VAV3: variants seen among roughly 807,000 people sequenced by gnomAD.
VAV3 encodes the protein vav guanine nucleotide exchange factor 3.
A neutral mutation model predicts 131.2 loss-of-function variants in VAV3; 94 were observed. The ratio of observed to expected loss-of-function variants is 0.72; its 90% CI spans 0.61 to 0.85. The LOEUF (loss-of-function observed/expected upper bound fraction) is 0.85. VAV3 is among the 40% of genes least tolerant of loss of function. The pLI, the probability that VAV3 is intolerant of heterozygous loss-of-function variation, is 0.00. For synonymous variants in VAV3, 349 were observed against 342.0 expected (o/e 1.02, Z -0.22); for missense variants, 939 against 1,002.7 (o/e 0.94, Z 0.86).
Position 107,888,004 on chromosome 1 carries a change from T to TGGG in VAV3, c.205-12990_205-12988dup, listed in dbSNP as rs574702173. Among the ~76,000 whole-genome samples the TGGG allele has an allele frequency of 2.0e-3, 303 of 147,930 alleles. 1 individual carries two copies. The highest frequency in any genetic ancestry group is 7.1e-3 in the African/African-American group (286 of 40,308). ...GCTGTTTTGGTTCTATCCAAAAATT[T>TGGG]GGGGGGGGGGTTATTTTGTAAAGTA... On this transcript the variant is annotated intron_variant, in intron 1 of 26. Transcript: ENST00000370056.
At chr1:107,808,750 T>C (rs967900005) in intron 2 of VAV3, among the ~76,000 whole-genome samples, 7 of 152,284 alleles carry the variant, frequency 4.6e-5, no homozygotes, top group Admixed American at 1.3e-4. Context: ...CAATATTCCA[T>C]AGTATAAGAG....
intron 1 of VAV3, among the ~76,000 whole-genome samples, chr1:107,952,612 A>G (rs1252561334): frequency 6.6e-6 from 1 of 151,770 alleles, no homozygotes; most frequent in Non-Finnish European, 1.5e-5. Context: ...TTAACTATGT[A>G]TCCAGAAAAG....
intron 15 of VAV3, among the ~76,000 whole-genome samples, chr1:107,746,995 T>TC (rs1406272717): frequency 2.6e-5 from 4 of 152,094 alleles, no homozygotes; most frequent in Non-Finnish European, 5.9e-5. Context: ...TTCTCCTGCT[T>TC]CAGTCTTGCG....
At chr1:107,607,625 T>C (rs1652386762) in intron 22 of VAV3, among the ~76,000 whole-genome samples, 1 of 152,182 alleles carries the variant, frequency 6.6e-6, no homozygotes, top group Non-Finnish European at 1.5e-5. Context: ...CGGACTACCA[T>C]GGGAAAAGGC....
chr1:107,905,092 T>C (rs1364759211), intron 1 of VAV3, among the ~76,000 whole-genome samples: 2 of 152,188 alleles, frequency 1.3e-5, no homozygotes, highest in African/African-American at 4.8e-5. Context: ...AGAAGTCAGA[T>C]TATCTATCCG....
chr1:107,619,764 T>C (rs1216559414), intron 20 of VAV3, among the ~76,000 whole-genome samples: 2 of 152,202 alleles, frequency 1.3e-5, no homozygotes, highest in East Asian at 3.8e-4. Flanking sequence ...ACTTCCACTC[T>C]TCTTCAGAAC....
At chr1:107,639,964 C>T (rs561095410) in intron 20 of VAV3, among the ~76,000 whole-genome samples, 2 of 151,510 alleles carry the variant, frequency 1.3e-5, no homozygotes, top group South Asian at 4.2e-4. Context: ...AATGACCACA[C>T]CAAATGTTGG....
At chr1:107,753,561 C>CT (rs1553201332) in intron 12 of VAV3, among the ~76,000 whole-genome samples, 49 of 81,580 alleles carry the variant, frequency 6.0e-4, no homozygotes, top group Non-Finnish European at 1.1e-3. Context: ...CACACACACA[C>CT]TTTTTTTTTT....
At chr1:107,677,779 T>G (rs189406487) in intron 19 of VAV3, 1 of 152,346 alleles carries the variant, frequency 6.6e-6, no homozygotes. Context: ...ATTTTCCATC[T>G]AAAAGCACCC....
At chr1:107,644,576 C>G (rs1655586774) in intron 19 of VAV3, among the ~76,000 whole-genome samples, 1 of 152,044 alleles carries the variant, frequency 6.6e-6, no homozygotes, top group Admixed American at 6.6e-5. Context: ...TTTCTGTTGC[C>G]AAGAGCCACA....
intron 1 of VAV3, among the ~76,000 whole-genome samples, chr1:107,957,365 C>A (rs571466585): frequency 6.6e-6 from 1 of 152,152 alleles, no homozygotes; most frequent in Non-Finnish European, 1.5e-5. Context: ...CCTGCTCACG[C>A]CTAGTTTTGT....
At chr1:107,755,305 G>C in intron 12 of VAV3, 122 bp downstream of exon 12, 2 of 736,872 alleles carry the variant, frequency 2.7e-6, no homozygotes, top group Non-Finnish European at 4.5e-6. Context: ...CCAAACAAAG[G>C]GACTGGCAAC....
chr1:107,672,753 C>G (rs750472548), intron 19 of VAV3, among the ~76,000 whole-genome samples: 1 of 151,838 alleles, frequency 6.6e-6, no homozygotes, highest in Non-Finnish European at 1.5e-5. Flanking sequence ...TACACATAGC[C>G]AAAAACATTA....
chr1:107,913,706 A>G (rs1672478284), intron 1 of VAV3, among the ~76,000 whole-genome samples: 3 of 152,210 alleles, frequency 2.0e-5, no homozygotes, highest in Admixed American at 6.5e-5. Context: ...GCACCAACCT[A>G]TACACAGGAA....
At chr1:107,758,890 A>C (rs1664263992) in intron 10 of VAV3, among the ~76,000 whole-genome samples, 1 of 152,190 alleles carries the variant, frequency 6.6e-6, no homozygotes, top group African/African-American at 2.4e-5. Flanking sequence ...TAATCCCATT[A>C]GAAATATTAT....
At chr1:107,826,713 T>G (rs1351490203) in intron 2 of VAV3, among the ~76,000 whole-genome samples, 1 of 152,182 alleles carries the variant, frequency 6.6e-6, no homozygotes, top group Non-Finnish European at 1.5e-5. Context: ...CAAAGTGCTC[T>G]CACAAAAGGC....
intron 2 of VAV3, among the ~76,000 whole-genome samples, chr1:107,868,717 A>G (rs1486777838): frequency 6.6e-6 from 1 of 152,196 alleles, no homozygotes; most frequent in Non-Finnish European, 1.5e-5. Context: ...TAGAGGCTTA[A>G]CAAATGGTCT....
chr1:107,610,063 C>T lies in VAV3; in HGVS notation c.1981-98G>A, dbSNP rs931569645. On this transcript the variant is annotated intron_variant, in intron 21 of 26. Transcript: ENST00000370056. ...TTCAGCTGACTCAGCTCTATAAAAC[C>T]CTAAGTGGCACAGTCCTGGAACTAT... 5 of 1,102,734 alleles carry T rather than the reference C, an allele frequency of 4.5e-6. No individual in the cohort carries two copies. In the Admixed American group the frequency reaches 7.0e-5, roughly 15 times the overall value. 68.3% of individuals were successfully genotyped at this position (1,102,734 alleles called of 1,614,324 possible).
intron 19 of VAV3, among the ~76,000 whole-genome samples, chr1:107,655,584 C>T (rs1230785420): frequency 6.6e-6 from 1 of 151,930 alleles, no homozygotes; most frequent in South Asian, 2.1e-4. Flanking sequence ...TGTGTAAGAC[C>T]TCAAAAGCAA....
Sources: allele counts gnomAD v4.1 joint callset (sites outside exome capture counted in the v4.1 genomes callset), GRCh38; gene constraint gnomAD v4.1.1; transcripts MANE v1.5; gene names NCBI Gene and HGNC (gene_info 2026-07-23, HGNC 2026-07-21).